SPAG1: variants seen among roughly 807,000 people sequenced by gnomAD.
SPAG1 encodes sperm associated antigen 1, also known as sperm-associated antigen 1.
A neutral mutation model predicts 100.5 loss-of-function variants in SPAG1; 69 were observed. The observed-to-expected ratio is 0.69, with a 90% CI of 0.57 to 0.84. The LOEUF is 0.84. Among genes scored for constraint, SPAG1 ranks in the 40% least tolerant of loss-of-function variants. SPAG1 has a pLI of 0.00. For missense variants in SPAG1, 955 were observed against 1,133.1 expected (o/e 0.84, Z 2.26); for synonymous variants, 336 against 411.6 (o/e 0.82, Z 2.22).
chr8:100,207,689 A>G (rs1186361078), intron 10 of SPAG1, among the ~76,000 whole-genome samples: 1 of 152,240 alleles, frequency 6.6e-6, no homozygotes, highest in African/African-American at 2.4e-5. Context: ...TGCCAGGACT[A>G]CCATCCATGG....
intron 15 of SPAG1, 70 bp downstream of exon 15, chr8:100,231,358 T>TAAA: frequency 8.9e-7 from 1 of 1,123,082 alleles, no homozygotes; most frequent in East Asian, 2.7e-5. Flanking sequence ...TTTAAGTTAT[T>TAAA]TTATTAACAC....
chr8:100,199,627 A>T (rs2132306019), intron 10 of SPAG1, among the ~76,000 whole-genome samples: 1 of 152,196 alleles, frequency 6.6e-6, no homozygotes, highest in South Asian at 2.1e-4. Flanking sequence ...TTGTATTTTT[A>T]GTAGAGATGG....
At chr8:100,172,481 G>T (rs748089950) in intron 3 of SPAG1, among the ~76,000 whole-genome samples, 36 of 152,046 alleles carry the variant, frequency 2.4e-4, no homozygotes, top group Non-Finnish European at 4.9e-4. Context: ...TCAGCCAGGT[G>T]TGGTGGTGCA....
At chr8:100,234,921 A>G (rs1818935226) in intron 16 of SPAG1, among the ~76,000 whole-genome samples, 1 of 152,092 alleles carries the variant, frequency 6.6e-6, no homozygotes, top group African/African-American at 2.4e-5. Context: ...GAAGGTTGAT[A>G]AGAGGGGCCC....
chr8:100,195,410 G>A (rs1243681802), intron 10 of SPAG1, among the ~76,000 whole-genome samples: 1 of 152,036 alleles, frequency 6.6e-6, no homozygotes, highest in African/African-American at 2.4e-5. Flanking sequence ...AAAAAATAAT[G>A]CAATGTATAC....
chr8:100,241,033 T>C lies in SPAG1; in HGVS notation c.*11T>C. Reference sequence around the variant, plus strand: ...CAGTATGAGCTTTAAATCAAGATAATTGTTAGATTTCTTCCATGCATGTAT... The same window carrying C: ...CAGTATGAGCTTTAAATCAAGATAACTGTTAGATTTCTTCCATGCATGTAT... On this transcript the variant is annotated 3_prime_UTR_variant, in exon 19 of 19. Transcript: ENST00000388798. This position sits in a 1 kb window ranked among gnomAD's most constrained non-coding sequence, Gnocchi z 5.1. The C allele has an allele frequency of 2.5e-6, 4 of 1,608,636 alleles. No individual in the cohort carries two copies. Among genetic ancestry groups the C allele is most frequent in the South Asian group, 1.1e-5 (1 of 89,702 alleles).
At chr8:100,213,963 C>T (rs1261301577) in intron 12 of SPAG1, 45 bp downstream of exon 12, 5 of 1,129,130 alleles carry the variant, frequency 4.4e-6, no homozygotes, top group Non-Finnish European at 6.6e-6. Flanking sequence ...GTTATAATTT[C>T]ATTATGGTGA....
At chr8:100,195,163 T>C (rs1395449671) in intron 10 of SPAG1, among the ~76,000 whole-genome samples, 19 of 83,998 alleles carry the variant, frequency 2.3e-4, no homozygotes, top group African/African-American at 1.1e-3. Flanking sequence ...AGACTCCATC[T>C]CAAAAAAAAA....
chr8:100,184,526 C>T lies in SPAG1; in HGVS notation c.596-102C>T, dbSNP rs542977484. The T allele has an allele frequency of 3.3e-5, 18 of 548,680 alleles. No individual in the cohort carries two copies. The South Asian group carries it at 4.2e-4, about 13-fold the overall frequency. The allele number at this position is 548,680 out of a possible 1,614,324, so 34.0% of individuals were successfully genotyped here. ...TTCTTTTGTTTATTTTATGATCTTT[C>T]TGCTTTCTTCTGCTTCTGTTAAAAT... On this transcript the variant is annotated intron_variant, in intron 6 of 18. Transcript: ENST00000388798.
intron 8 of SPAG1, among the ~76,000 whole-genome samples, chr8:100,191,028 G>T (rs1194788238): frequency 6.6e-6 from 1 of 151,922 alleles, no homozygotes; most frequent in African/African-American, 2.4e-5. Flanking sequence ...AATAATACTC[G>T]CCATAATTAT....
In SPAG1 at chr8:100,195,817, C is replaced by T. The variant is rs561471522; in HGVS notation, c.1096+1549C>T. Among the ~76,000 whole-genome samples, 7 of 152,224 alleles carry T rather than the reference C, an allele frequency of 4.6e-5. No homozygotes were observed. In the South Asian group the frequency reaches 1.2e-3, roughly 27 times the overall value. ...TGAATATACAGTTCTAATACATGTA[C>T]GGTTTCATGTAACCATCACCATAGT... On this transcript the variant is annotated intron_variant, in intron 10 of 18. Transcript: ENST00000388798.
chr8:100,232,818 C>CG (rs1248606347), intron 15 of SPAG1, among the ~76,000 whole-genome samples: 1 of 152,200 alleles, frequency 6.6e-6, no homozygotes, highest in East Asian at 1.9e-4. Context: ...CCATGACTTA[C>CG]AGTGCCCTTC....
intron 5 of SPAG1, 92 bp from the exon 6 acceptor site, chr8:100,183,864 G>T: frequency 1.6e-6 from 1 of 611,044 alleles, no homozygotes; most frequent in East Asian, 3.1e-5. Flanking sequence ...TGTATCCAAA[G>T]GCATACTTGT....
chr8:100,213,425 GC>G lies in SPAG1; in HGVS notation c.1433del (p.Ala478GlufsTer9). ...YSAAIALLEP[A>X]GSEIADDLSI... Reference sequence around the variant, plus strand: ...GGCGGCAATCGCGCTCCTGGAGCCAGCAGGTAGGTGCGCCGCGCCCCGCCGC... The same window carrying G: ...GGCGGCAATCGCGCTCCTGGAGCCAGAGGTAGGTGCGCCGCGCCCCGCCGC... On this transcript the variant is annotated frameshift_variant and splice_region_variant, in exon 11 of 19. Transcript: ENST00000388798. LOFTEE classifies it high-confidence loss of function. 7.2e-7 allele frequency: 1 copy of G among 1,398,474 alleles called. No homozygotes were observed. Among genetic ancestry groups the G allele is most frequent in the Non-Finnish European group, 9.3e-7 (1 of 1,079,034 alleles). The allele number at this position is 1,398,474 out of a possible 1,614,324, so 86.6% of individuals were successfully genotyped here. A position where few individuals can be genotyped will look rare whatever the true frequency, so the allele number is the denominator to read the frequency against.
At chr8:100,197,551 C>G (rs1380327892) in intron 10 of SPAG1, among the ~76,000 whole-genome samples, 1 of 152,030 alleles carries the variant, frequency 6.6e-6, no homozygotes, top group Non-Finnish European at 1.5e-5. Flanking sequence ...GAGAAGCAAC[C>G]CCAGTCACTT....
rs1269175079 is a variant in SPAG1 at position 100,225,303 on chromosome 8, G to A, written c.1819G>A (p.Gly607Arg). The A allele has an allele frequency of 1.2e-6, 2 of 1,613,862 alleles. No homozygotes were observed. Among genetic ancestry groups the A allele is most frequent in the Admixed American group, 3.3e-5 (2 of 60,000 alleles). Residue 607 changes from glycine to arginine, a missense_variant, in exon 14 of 19, where the codon GGA (glycine) becomes AGA (arginine). Physicochemically the swap from Gly to Arg is moderately radical, Grantham distance 125. Transcript: ENST00000388798. ...PAKEMISKQA[G>R]DSSSHRQQGI... ...AAAAGAGATGATCTCAAAACAAGCA[G>A]GAGACTCCAGCAGCCATCGCCAGCA...
At chr8:100,203,765 C>T (rs1817389189) in intron 10 of SPAG1, among the ~76,000 whole-genome samples, 1 of 152,172 alleles carries the variant, frequency 6.6e-6, no homozygotes, top group Non-Finnish European at 1.5e-5. Context: ...GAAGCAGATA[C>T]TGAGCCTCAA....
Position 100,240,597 on chromosome 8 carries a change from T to C in SPAG1, c.2475T>C (p.Cys825=). Residue 825 remains cysteine, a synonymous_variant, in exon 18 of 19, where the codon TGT becomes TGC. Coordinates refer to ENST00000388798, the MANE Select transcript of SPAG1 (RefSeq NM_003114.5). The part of the protein sequence containing the change: ...ALSTRKDKEA[C]AHLLAITAPK... The stretch of plus-strand genomic sequence containing the variant: ...GTACCAGGAAGGATAAAGAAGCCTG[T>C]GCACATCTTTTAGCCATCACTGCAC... 1 of 1,614,174 alleles carries C rather than the reference T, an allele frequency of 6.2e-7. No homozygotes were observed. The highest frequency in any genetic ancestry group is 8.5e-7 in the Non-Finnish European group (1 of 1,179,992).
intron 4 of SPAG1, among the ~76,000 whole-genome samples, chr8:100,179,243 C>T (rs1309881485): frequency 6.6e-6 from 1 of 151,994 alleles, no homozygotes; most frequent in African/African-American, 2.4e-5. Context: ...ATTAGCCAGC[C>T]ATGGTGGTGG....
Sources: allele counts gnomAD v4.1 joint callset (sites outside exome capture counted in the v4.1 genomes callset), GRCh38; gene constraint gnomAD v4.1.1; non-coding constraint Gnocchi (gnomAD v3.1); transcripts MANE v1.5; gene names NCBI Gene and HGNC (gene_info 2026-07-23, HGNC 2026-07-21).